The following DNAJC1 variants were observed in gnomAD, a reference collection of about 807,000 sequenced individuals.
DNAJC1 encodes the protein dnaJ homolog subfamily C member 1.
A neutral mutation model predicts 76.6 loss-of-function variants in DNAJC1; 58 were observed. That is an observed-to-expected ratio of 0.76 (90% CI 0.61 to 0.94). DNAJC1 has a LOEUF of 0.94. DNAJC1 is among the 40% of genes least tolerant of loss of function. The pLI is 0.00. For synonymous variants in DNAJC1, 258 were observed against 267.9 expected (o/e 0.96, Z 0.36); for missense variants, 689 against 677.3 (o/e 1.02, Z -0.19).
At chr10:21,896,106 A>T (rs1836537701) in intron 7 of DNAJC1, among the ~76,000 whole-genome samples, 1 of 152,116 alleles carries the variant, frequency 6.6e-6, no homozygotes, top group Non-Finnish European at 1.5e-5. Context: ...GAAATGCCAC[A>T]AAGGTGGGGC....
Position 22,003,172 on chromosome 10 carries a change from C to G in DNAJC1, c.222+41G>C, listed in dbSNP as rs776692338. On this transcript the variant is annotated intron_variant, in intron 1 of 11. Coordinates refer to ENST00000376980, the MANE Select transcript of DNAJC1 (RefSeq NM_022365.4). Reference sequence around the variant, plus strand: ...GGAACCGGGTCGCCTGACGCCTGCCCTGGCCCCTCTCCGCCCGGCCCCGCG... The same window carrying G: ...GGAACCGGGTCGCCTGACGCCTGCCGTGGCCCCTCTCCGCCCGGCCCCGCG... 5 of 1,468,130 alleles carry G rather than the reference C, an allele frequency of 3.4e-6. No individual in the cohort carries two copies. In the South Asian group the frequency reaches 7.1e-5, roughly 21 times the overall value. 90.9% of individuals were successfully genotyped at this position (1,468,130 alleles called of 1,614,324 possible). A position where few individuals can be genotyped will look rare whatever the true frequency, so the allele number is the denominator to read the frequency against.
At chr10:21,792,191 G>T (rs755707342) in intron 9 of DNAJC1, among the ~76,000 whole-genome samples, 1 of 152,086 alleles carries the variant, frequency 6.6e-6, no homozygotes, top group Non-Finnish European at 1.5e-5. Flanking sequence ...GAATAGACCC[G>T]TAATAACTTA....
At position 21,766,241 on chromosome 10, in the gene DNAJC1, T is replaced by C. The variant is rs776302331; in HGVS notation, c.1147+20A>G. ...AAGAAACCACTTTAGATTAATGAGA[T>C]AGAGGAAGTATGAACTCACCTGGGG... On this transcript the variant is annotated intron_variant, in intron 10 of 11. Transcript: ENST00000376980. 18 of 1,574,818 alleles carry C rather than the reference T, an allele frequency of 1.1e-5. No individual in the cohort carries two copies. The South Asian group carries it at 1.7e-4, about 15-fold the overall frequency.
intron 8 of DNAJC1, chr10:21,866,029 A>C (rs1835993309): frequency 6.6e-6 from 1 of 151,100 alleles, no homozygotes; most frequent in East Asian, 2.0e-4. Context: ...CAGCTACTCG[A>C]GAGAATGAGG....
intron 7 of DNAJC1, among the ~76,000 whole-genome samples, chr10:21,896,724 T>C (rs1480189015): frequency 6.6e-6 from 1 of 151,938 alleles, no homozygotes; most frequent in Non-Finnish European, 1.5e-5. Flanking sequence ...GAGAAGGATA[T>C]AAATTTTGGA....
intron 9 of DNAJC1, among the ~76,000 whole-genome samples, chr10:21,768,662 C>A (rs1226349292): frequency 6.6e-6 from 1 of 152,146 alleles, no homozygotes; most frequent in East Asian, 1.9e-4. Flanking sequence ...CAATTTTGTT[C>A]CCTACCTTCC....
In DNAJC1 at chr10:22,003,343, A is replaced by AGCGGCGTCCGCGGCG; in HGVS notation, c.77_91dup (p.Pro26_Pro30dup). The AGCGGCGTCCGCGGCG allele has an allele frequency of 6.9e-7, 1 of 1,448,896 alleles. No homozygotes were observed. Among genetic ancestry groups the AGCGGCGTCCGCGGCG allele is most frequent in the Non-Finnish European group, 9.1e-7 (1 of 1,104,370 alleles). 89.8% of individuals were successfully genotyped at this position (1,448,896 alleles called of 1,614,324 possible). A position where few individuals can be genotyped will look rare whatever the true frequency, so the allele number is the denominator to read the frequency against. On this transcript the variant is annotated inframe_insertion, in exon 1 of 12. Coordinates refer to ENST00000376980, the MANE Select transcript of DNAJC1 (RefSeq NM_022365.4). ...CAGCAGCAGCAGCAGCAGCCACAGC[A>AGCGGCGTCCGCGGCG]GCGGCGTCCGCGGCGGCGGCGGCGG... is the stretch of plus-strand genomic sequence containing the variant.
chr10:21,808,565 A>G (rs1408397638), intron 8 of DNAJC1, among the ~76,000 whole-genome samples: 1 of 152,122 alleles, frequency 6.6e-6, no homozygotes, highest in Non-Finnish European at 1.5e-5. Context: ...GCAATGCATT[A>G]TTCTCCCTCC....
intron 1 of DNAJC1, among the ~76,000 whole-genome samples, chr10:21,994,630 T>G (rs770243772): frequency 1.1e-4 from 17 of 151,398 alleles, no homozygotes; most frequent in Non-Finnish European, 2.2e-4. Context: ...CCACTAAAAA[T>G]ACAAAAAAAA....
rs557669329 is a variant in DNAJC1, at chr10:21,822,859, T to C, written c.979-16760A>G. On this transcript the variant is annotated intron_variant, in intron 8 of 11. Transcript: ENST00000376980. ...TAAAGATCAGGATAAGTGATTTTTATCCTGGAAAATAATTTCCTTTACAGT... is the reference window on the plus strand; with the variant it reads ...TAAAGATCAGGATAAGTGATTTTTACCCTGGAAAATAATTTCCTTTACAGT... 2.0e-5 allele frequency among the ~76,000 whole-genome samples: 3 copies of C among 151,794 alleles called. No individual in the cohort carries two copies. The East Asian group carries it at 5.8e-4, about 29-fold the overall frequency.
rs184920540 is a variant in DNAJC1 at position 21,779,539 on chromosome 10, C to A, written c.1099-13230G>T. 6.2e-3 allele frequency among the ~76,000 whole-genome samples: 950 copies of A among 152,314 alleles called. 2 individuals are homozygous for A. Among genetic ancestry groups the A allele is most frequent in the Admixed American group, 0.012 (187 of 15,300 alleles). ...GCAGATGTGCAGCTGAGGGTCCTGA[C>A]TGTTAAAAGGAAAATTAACAAACAG... is the stretch of plus-strand genomic sequence containing the variant. On this transcript the variant is annotated intron_variant, in intron 9 of 11. Transcript: ENST00000376980.
intron 8 of DNAJC1, among the ~76,000 whole-genome samples, chr10:21,877,146 T>C (rs1049560321): frequency 6.6e-6 from 1 of 151,970 alleles, no homozygotes; most frequent in East Asian, 1.9e-4. Flanking sequence ...TGGTGGTGTA[T>C]GCTTGTGGTT....
At chr10:21,842,495 A>G (rs555913541) in intron 8 of DNAJC1, among the ~76,000 whole-genome samples, 14 of 152,360 alleles carry the variant, frequency 9.2e-5, no homozygotes, top group Admixed American at 7.2e-4. Flanking sequence ...AATAAGTTAC[A>G]AGTACAGATA....
intron 9 of DNAJC1, among the ~76,000 whole-genome samples, chr10:21,790,010 T>TAAAAAAAAAAAAAAAAAAAAAA (rs35639440): frequency 5.1e-4 from 21 of 41,094 alleles, no homozygotes; most frequent in African/African-American, 7.1e-4. Flanking sequence ...GCTCTGTCTT[T>TAAAAAAAAAAAAAAAAAAAAAA]AAAAAAAAAA....
At chr10:21,771,644 C>A (rs1311099276) in intron 9 of DNAJC1, among the ~76,000 whole-genome samples, 1 of 152,022 alleles carries the variant, frequency 6.6e-6, no homozygotes, top group African/African-American at 2.4e-5. Context: ...ATTACAGGTG[C>A]GTGCCACCAC....
chr10:21,931,641 A>C (rs565034269), intron 1 of DNAJC1, among the ~76,000 whole-genome samples: 1 of 152,188 alleles, frequency 6.6e-6, no homozygotes, highest in Non-Finnish European at 1.5e-5. Flanking sequence ...TTGACCTGAT[A>C]AACTATATGG....
chr10:21,883,949 T>G (rs1836326290), intron 7 of DNAJC1, among the ~76,000 whole-genome samples: 1 of 152,172 alleles, frequency 6.6e-6, no homozygotes, highest in South Asian at 2.1e-4. Flanking sequence ...GAGTATCCAT[T>G]TAAAAGAAAA....
At chr10:21,838,411 A>G (rs994151018) in intron 8 of DNAJC1, among the ~76,000 whole-genome samples, 6 of 152,260 alleles carry the variant, frequency 3.9e-5, no homozygotes, top group Non-Finnish European at 7.3e-5. Flanking sequence ...TGTTAAACAG[A>G]TGCTTGAAGG....
At chr10:21,971,477 C>A (rs1435852194) in intron 1 of DNAJC1, among the ~76,000 whole-genome samples, 3 of 151,574 alleles carry the variant, frequency 2.0e-5, no homozygotes, top group Non-Finnish European at 4.4e-5. Context: ...ATCAAAAAAG[C>A]AACTGAAAAC....
Sources: gnomAD v4.1 joint callset for allele counts (sites outside exome capture counted in the v4.1 genomes callset) on GRCh38, gnomAD v4.1.1 for gene constraint, MANE v1.5 for transcripts, NCBI Gene and HGNC (gene_info 2026-07-23, HGNC 2026-07-21) for gene names.